The following AQP9 variants were observed in gnomAD, a reference collection of about 807,000 sequenced individuals.
AQP9 encodes the protein aquaporin-9.
AQP9 carries 19 observed loss-of-function variants against 23.8 expected under a neutral mutation model. The ratio of observed to expected loss-of-function variants is 0.80; its 90% CI spans 0.56 to 1.17. The LOEUF (loss-of-function observed/expected upper bound fraction) is 1.17, where lower values mean the gene tolerates loss of function less well. Ranked by LOEUF, AQP9 falls within the 50% of genes most tolerant of loss-of-function variation. The pLI, the probability that AQP9 is intolerant of heterozygous loss-of-function variation, is 0.00. For synonymous variants in AQP9, 153 were observed against 131.5 expected (o/e 1.16, Z -1.12); for missense variants, 413 against 362.0 (o/e 1.14, Z -1.14).
chr15:58,171,027 C>G (rs1213001674), intron 2 of AQP9, among the ~76,000 whole-genome samples: 1 of 151,720 alleles, frequency 6.6e-6, no homozygotes, highest in Non-Finnish European at 1.5e-5. Flanking sequence ...TGGGTTCAAG[C>G]AATTCTCCTG....
rs1196740878 is a variant in AQP9, at chr15:58,174,923, C to G, written c.382C>G (p.Leu128Val). ...ATVFGIYYDGLMSFAGGKLLI... is the reference protein window; with the variant it reads ...ATVFGIYYDGVMSFAGGKLLI... ...CAGAGCTTTCTCTTTCATAGATGGACTTATGTCCTTTGCTGGTGGAAAACT... is the reference window on the plus strand; with the variant it reads ...CAGAGCTTTCTCTTTCATAGATGGAGTTATGTCCTTTGCTGGTGGAAAACT... The change falls in exon 4 of 6, where the codon CTT (leucine) becomes GTT (valine). Residue 128 changes from leucine (L) to valine (V), a missense_variant. Transcript: ENST00000219919. 6.2e-7 allele frequency: 1 copy of G among 1,613,878 alleles called. No homozygotes were observed. The highest frequency in any genetic ancestry group is 2.2e-5 in the East Asian group (1 of 44,878).
chr15:58,174,165 G>A (rs1425929667), intron 3 of AQP9, among the ~76,000 whole-genome samples: 4 of 152,106 alleles, frequency 2.6e-5, no homozygotes, highest in Non-Finnish European at 5.9e-5. Context: ...ACTCACATCT[G>A]TAGTCCCAGC....
At chr15:58,145,462 G>A (rs1188816731) in intron 1 of AQP9, among the ~76,000 whole-genome samples, 1 of 150,938 alleles carries the variant, frequency 6.6e-6, no homozygotes, top group Admixed American at 6.6e-5. Context: ...ACTCCAGCCT[G>A]GGCAACAAAA....
intron 2 of AQP9, among the ~76,000 whole-genome samples, chr15:58,167,650 G>A (rs1293866053): frequency 6.6e-6 from 1 of 152,184 alleles, no homozygotes; most frequent in Non-Finnish European, 1.5e-5. Context: ...AAGAAGAGCT[G>A]AGATTTGATC....
intron 1 of AQP9, among the ~76,000 whole-genome samples, chr15:58,145,001 G>A (rs1439915313): frequency 3.1e-5 from 4 of 128,422 alleles, no homozygotes; most frequent in Non-Finnish European, 6.3e-5. Context: ...GCGATGAAGT[G>A]AGACTCCATC....
At chr15:58,174,300 A>G (rs78123267) in intron 3 of AQP9, among the ~76,000 whole-genome samples, 2 of 49,156 alleles carry the variant, frequency 4.1e-5, no homozygotes, top group African/African-American at 1.9e-4. Context: ...GAAAAAAAAG[A>G]AAAAAAAAAA....
intron 2 of AQP9, among the ~76,000 whole-genome samples, chr15:58,169,620 A>G (rs1898578199): frequency 6.6e-6 from 1 of 152,188 alleles, no homozygotes; most frequent in African/African-American, 2.4e-5. Context: ...CTGAGCATAA[A>G]TGTGAATGGG....
chr15:58,143,445 T>G (rs1897985430), intron 1 of AQP9, among the ~76,000 whole-genome samples: 1 of 152,182 alleles, frequency 6.6e-6, no homozygotes, highest in Non-Finnish European at 1.5e-5. Flanking sequence ...TGCTCTCATT[T>G]TATAGATGAG....
At position 58,173,097 on chromosome 15, in the gene AQP9, G is replaced by A. The variant is rs746791248; in HGVS notation, c.268G>A (p.Ala90Thr). Residue 90 changes from alanine (A) to threonine (T), a missense_variant, in exon 3 of 6, where the codon GCA becomes ACA. Ala to Thr is a moderately conservative substitution (Grantham distance 58, BLOSUM62 0). Transcript: ENST00000219919. ...GGHINPAVSL[A>T]MCLFGRMKWF... Reference sequence around the variant, plus strand: ...TCACATCAACCCAGCTGTGTCTTTAGCAATGTGTCTCTTTGGACGGATGAA... The same window carrying A: ...TCACATCAACCCAGCTGTGTCTTTAACAATGTGTCTCTTTGGACGGATGAA... 1.2e-6 allele frequency: 2 copies of A among 1,614,136 alleles called. No homozygotes were observed. Among genetic ancestry groups the A allele is most frequent in the Non-Finnish European group, 1.7e-6 (2 of 1,180,008 alleles).
At chr15:58,160,746 A>G (rs1009951564) in intron 1 of AQP9, among the ~76,000 whole-genome samples, 6 of 152,122 alleles carry the variant, frequency 3.9e-5, no homozygotes, top group Non-Finnish European at 8.8e-5. Context: ...CAGACGTGAT[A>G]GAGTAGGCAC....
chr15:58,178,888 T>C (rs147627241), intron 4 of AQP9, among the ~76,000 whole-genome samples: 5 of 152,284 alleles, frequency 3.3e-5, no homozygotes, highest in African/African-American at 1.2e-4. Flanking sequence ...ACCTACTAAG[T>C]GGGCAGGGTA....
intron 1 of AQP9, chr15:58,155,735 G>A (rs891668571): frequency 6.6e-6 from 1 of 151,938 alleles, no homozygotes; most frequent in Admixed American, 6.6e-5. Flanking sequence ...TTACACTTTA[G>A]CCAACCCCCT....
intron 1 of AQP9, chr15:58,151,701 C>A (rs773241728): frequency 6.6e-6 from 1 of 152,042 alleles, no homozygotes; most frequent in African/African-American, 2.4e-5. Flanking sequence ...GAACTATTAA[C>A]TTCCTGATCT....
chr15:58,156,523 C>T (rs1417848120), intron 1 of AQP9, among the ~76,000 whole-genome samples: 9 of 152,132 alleles, frequency 5.9e-5, no homozygotes, highest in African/African-American at 7.2e-5. Context: ...AATCATTCAT[C>T]GAACATAGCG....
chr15:58,138,856 T>C (rs776457717), intron 1 of AQP9, 180 bp downstream of exon 1: 1 of 563,030 alleles, frequency 1.8e-6, no homozygotes, highest in Non-Finnish European at 3.1e-6. Flanking sequence ...GATATTAAGT[T>C]TTCAATTACC....
At chr15:58,145,024 A>AG (rs1446442584) in intron 1 of AQP9, among the ~76,000 whole-genome samples, 1 of 151,598 alleles carries the variant, frequency 6.6e-6, no homozygotes, top group Non-Finnish European at 1.5e-5. Context: ...AAAAAAAAAA[A>AG]AAAAAAAAAG....
intron 1 of AQP9, among the ~76,000 whole-genome samples, chr15:58,143,552 G>A (rs1193500463): frequency 2.6e-5 from 4 of 152,292 alleles, no homozygotes; most frequent in Non-Finnish European, 5.9e-5. Context: ...TCTTAACCAC[G>A]CTACAGTTAA....
chr15:58,174,776 T>C, intron 3 of AQP9, 142 bp from the exon 4 acceptor site: 3 of 692,722 alleles, frequency 4.3e-6, no homozygotes, highest in Non-Finnish European at 7.5e-6. Flanking sequence ...AAAACTATCA[T>C]TCCTCGGAAG....
chr15:58,158,118 T>C (rs1430740907), intron 1 of AQP9, among the ~76,000 whole-genome samples: 1 of 152,180 alleles, frequency 6.6e-6, no homozygotes, highest in Non-Finnish European at 1.5e-5. Context: ...TGGGAACAGA[T>C]GGCTGCTACC....
Sources: gnomAD v4.1 joint callset for allele counts (sites outside exome capture counted in the v4.1 genomes callset) on GRCh38, gnomAD v4.1.1 for gene constraint, MANE v1.5 for transcripts, NCBI Gene and HGNC (gene_info 2026-07-23, HGNC 2026-07-21) for gene names.